FGF10: variants seen among roughly 807,000 people sequenced by gnomAD.
FGF10 encodes fibroblast growth factor 10, also known as FGF-10.
In FGF10, 2 loss-of-function variants were observed where a neutral mutation model predicts 19.8. The ratio of observed to expected loss-of-function variants is 0.10; its 90% CI spans 0.04 to 0.32. The LOEUF is 0.32. Ranked by LOEUF, FGF10 falls within the 10% of genes least tolerant of loss-of-function variation. The pLI is 1.00. For synonymous variants in FGF10, 112 were observed against 94.0 expected (o/e 1.19, Z -1.10); for missense variants, 191 against 246.3 (o/e 0.78, Z 1.50).
chr5:44,328,800 A>C (rs960590961), intron 1 of FGF10, among the ~76,000 whole-genome samples: 30 of 152,180 alleles, frequency 2.0e-4, no homozygotes, highest in African/African-American at 6.8e-4. Context: ...CAAGTCAGAC[A>C]CAAAAAGACA....
chr5:44,332,054 A>G (rs1036200278), intron 1 of FGF10, among the ~76,000 whole-genome samples: 1 of 152,160 alleles, frequency 6.6e-6, no homozygotes, highest in Admixed American at 6.6e-5. Context: ...TAAACCCAAT[A>G]GATGTGTAAA....
At chr5:44,365,251 G>A (rs1020209319) in intron 1 of FGF10, among the ~76,000 whole-genome samples, 1 of 149,338 alleles carries the variant, frequency 6.7e-6, no homozygotes, top group Admixed American at 6.7e-5. Context: ...TAGGATTCCA[G>A]ACTTTGCCAC....
At chr5:44,335,104 T>C (rs1189630673) in intron 1 of FGF10, among the ~76,000 whole-genome samples, 1 of 152,096 alleles carries the variant, frequency 6.6e-6, no homozygotes, top group Non-Finnish European at 1.5e-5. Flanking sequence ...GACAGGAACA[T>C]ATAAATCTGA....
rs17228116 is a variant in FGF10 at position 44,310,203 on chromosome 5, GC to G, written c.429+223del. ...CAGTTTAGAACATTCACAGACAAAT[GC>G]CAGCAGCAGCCTGTGTGGTAGACTA... is the stretch of plus-strand genomic sequence containing the variant. On this transcript the variant is annotated intron_variant, in intron 2 of 2. Coordinates refer to ENST00000264664, the MANE Select transcript of FGF10 (RefSeq NM_004465.2). Among the ~76,000 whole-genome samples, 433 of 152,122 alleles carry G rather than the reference GC, an allele frequency of 2.8e-3. 9 individuals carry two copies. The highest frequency in any genetic ancestry group is 0.024 in the East Asian group (125 of 5,162).
intron 1 of FGF10, among the ~76,000 whole-genome samples, chr5:44,353,577 G>A (rs1741282702): frequency 6.6e-6 from 1 of 151,574 alleles, no homozygotes; most frequent in South Asian, 2.1e-4. Context: ...AATCCTGAGG[G>A]TACATTTCAA....
intron 1 of FGF10, among the ~76,000 whole-genome samples, chr5:44,349,451 T>TATATATATATATCAGA (rs1554038146): frequency 9.6e-4 from 16 of 16,700 alleles, no homozygotes; most frequent in South Asian, 2.1e-3. Context: ...TATATATATA[T>TATATATATATATCAGA]ATATATATAT....
rs558808463 is a variant in FGF10, at chr5:44,329,066, G to C, written c.326-18536C>G. ...ATTATTTCAAGTGGATTCCAACCCA[G>C]AATAACTAGTTGACGTATTTGAAGA... On this transcript the variant is annotated intron_variant, in intron 1 of 2. Transcript: ENST00000264664. Among the ~76,000 whole-genome samples, 19 of 152,270 alleles carry C rather than the reference G, an allele frequency of 1.2e-4. No individual in the cohort carries two copies. In the South Asian group the frequency reaches 3.9e-3, roughly 32 times the overall value.
At chr5:44,324,132 T>G (rs754538834) in intron 1 of FGF10, among the ~76,000 whole-genome samples, 9 of 152,080 alleles carry the variant, frequency 5.9e-5, no homozygotes, top group African/African-American at 1.2e-4. Flanking sequence ...AAAACTACTA[T>G]GTACTTGAGT....
At chr5:44,371,813 C>A (rs140677786) in intron 1 of FGF10, among the ~76,000 whole-genome samples, 2 of 152,202 alleles carry the variant, frequency 1.3e-5, no homozygotes, top group East Asian at 3.9e-4. Context: ...TTCCTAGATA[C>A]TTTTCATAGA....
At chr5:44,372,840 C>T (rs1425826399) in intron 1 of FGF10, among the ~76,000 whole-genome samples, 2 of 152,170 alleles carry the variant, frequency 1.3e-5, no homozygotes, top group Non-Finnish European at 2.9e-5. Context: ...AGGGTAAACT[C>T]CACTAGGTTT....
rs920327489 is a variant in FGF10 at position 44,340,514 on chromosome 5, G to A, written c.326-29984C>T. 2.0e-5 allele frequency among the ~76,000 whole-genome samples: 3 copies of A among 151,952 alleles called. No individual in the cohort carries two copies. The East Asian group carries it at 5.8e-4, about 29-fold the overall frequency. On this transcript the variant is annotated intron_variant, in intron 1 of 2. Transcript: ENST00000264664. ...GCATGAAAAGAAGTGTTTAATAATA[G>A]GACACAGATAAATGTTTCTTTGTTG...
At chr5:44,319,690 A>ACC (rs1740438071) in intron 1 of FGF10, among the ~76,000 whole-genome samples, 2 of 152,234 alleles carry the variant, frequency 1.3e-5, no homozygotes, top group African/African-American at 4.8e-5. Context: ...CTTAGTGGGT[A>ACC]ATCATAATAC....
chr5:44,389,361 C>A lies in FGF10; in HGVS notation c.-679G>T. On this transcript the variant is annotated 5_prime_UTR_variant, in exon 1 of 3. Transcript: ENST00000264664. The stretch of plus-strand genomic sequence containing the variant: ...CTGGTGTTTTGTATGGCCCTATCTC[C>A]CACCCCCTTCCTTTGGAAAGTCCGC... The A allele has an allele frequency of 6.4e-6, 1 of 155,274 alleles. No homozygotes were observed. Among genetic ancestry groups the A allele is most frequent in the Non-Finnish European group, 1.4e-5 (1 of 70,110 alleles). The allele number at this position is 155,274 out of a possible 1,614,324, so 9.6% of individuals were successfully genotyped here.
Position 44,388,654 on chromosome 5 carries a change from G to A in FGF10, c.29C>T (p.Ala10Val), listed in dbSNP as rs1402567148. The A allele has an allele frequency of 1.2e-6, 2 of 1,613,908 alleles. No individual in the cohort carries two copies. Among genetic ancestry groups the A allele is most frequent in the Admixed American group, 1.7e-5 (1 of 59,992 alleles). ...GCCGGGCAGGTGGGGAAAGGCTGAG[G>A]CACAATGTGTCAGTATCCATTTCCA... MWKWILTHC[A>V]SAFPHLPGCC... Residue 10 changes from alanine to valine, a missense_variant, in exon 1 of 3, where the codon GCC becomes GTC. This residue lies in a region of FGF10 where 92 missense variants were observed against 84.6 expected (regional missense o/e 1.09). Transcript: ENST00000264664.
rs17228018 is a variant in FGF10, at chr5:44,317,815, T to C, written c.326-7285A>G. On this transcript the variant is annotated intron_variant, in intron 1 of 2. Coordinates refer to ENST00000264664, the MANE Select transcript of FGF10 (RefSeq NM_004465.2). ...TTCAGGAAATAATTACTTATCAATA[T>C]TGTAATAATGTCATGTTTTCAAACA... Among the ~76,000 whole-genome samples the C allele has an allele frequency of 1.3e-3, 204 of 152,238 alleles. 7 individuals carry two copies. In the East Asian group the frequency reaches 0.035, roughly 26 times the overall value.
chr5:44,343,504 T>TAC (rs142603908), intron 1 of FGF10, among the ~76,000 whole-genome samples: 2,084 of 152,088 alleles, frequency 0.014, 88 homozygotes, highest in East Asian at 0.12. Context: ...ATGTTGAGGG[T>TAC]ATATGAGATG....
chr5:44,314,884 A>T (rs1469174732), intron 1 of FGF10, among the ~76,000 whole-genome samples: 3 of 152,158 alleles, frequency 2.0e-5, no homozygotes, highest in African/African-American at 7.2e-5. Context: ...TAAACACAAA[A>T]GGAGAAAGTA....
intron 1 of FGF10, among the ~76,000 whole-genome samples, chr5:44,360,376 T>C (rs1254887155): frequency 6.6e-6 from 1 of 151,592 alleles, no homozygotes; most frequent in East Asian, 1.9e-4. Flanking sequence ...GATATGCCCA[T>C]TTAGTTTTCC....
chr5:44,337,769 G>A (rs184953863), intron 1 of FGF10, among the ~76,000 whole-genome samples: 26 of 152,080 alleles, frequency 1.7e-4, no homozygotes, highest in South Asian at 1.7e-3. Context: ...GTGAAAACCC[G>A]TCTCTACTAA....
Sources: allele counts gnomAD v4.1 joint callset (sites outside exome capture counted in the v4.1 genomes callset), GRCh38; gene constraint gnomAD v4.1.1; regional missense constraint gnomAD v4.1.1; transcripts MANE v1.5; gene names NCBI Gene and HGNC (gene_info 2026-07-23, HGNC 2026-07-21).